The following MSH4 variants were observed in gnomAD, a reference collection of about 807,000 sequenced individuals.
MSH4 encodes mutS protein homolog 4.
In MSH4, 106 loss-of-function variants were observed where a neutral mutation model predicts 113.7. That is an observed-to-expected ratio of 0.93 (90% CI 0.80 to 1.10). The LOEUF (loss-of-function observed/expected upper bound fraction) is 1.10. Among genes scored for constraint, MSH4 ranks in the 50% least tolerant of loss-of-function variants. MSH4 has a pLI of 0.00. For synonymous variants in MSH4, 368 were observed against 380.2 expected, an observed-to-expected ratio of 0.97 and a Z score of 0.37; for missense variants, 1,061 against 1,093.7, an observed-to-expected ratio of 0.97 and a Z score of 0.42.
At position 75,823,487 on chromosome 1, in the gene MSH4, T is replaced by C. The variant is rs144086747; in HGVS notation, c.1162+906T>C. Among the ~76,000 whole-genome samples, 161 of 152,272 alleles carry C rather than the reference T, an allele frequency of 1.1e-3. 1 individual carries two copies. The highest frequency in any genetic ancestry group is 3.6e-3 in the African/African-American group (149 of 41,568). On this transcript the variant is annotated intron_variant, in intron 7 of 19. Coordinates refer to ENST00000263187, the MANE Select transcript of MSH4 (RefSeq NM_002440.4). ...TCTTTACTTTAAATTCTGGAATACA[T>C]GTGCTGAAATGTGCTGAACATGCAG...
At chr1:75,868,497 T>C (rs1557516250) in intron 9 of MSH4, among the ~76,000 whole-genome samples, 1 of 152,216 alleles carries the variant, frequency 6.6e-6, no homozygotes, top group East Asian at 1.9e-4. Context: ...ATTGAAGTGA[T>C]AAAGGGAACT....
At chr1:75,840,466 CAAT>C (rs936663024) in intron 7 of MSH4, among the ~76,000 whole-genome samples, 2 of 138,080 alleles carry the variant, frequency 1.4e-5, no homozygotes, top group African/African-American at 5.5e-5. Context: ...GGGAATTGAA[CAAT>C]GAGAACACAT....
chr1:75,883,672 T>G lies in MSH4; in HGVS notation c.1958T>G (p.Ile653Ser), dbSNP rs543432820. Reference protein sequence around the residue: ...TLAIKQGWHPILEKISAEKPI... With the variant: ...TLAIKQGWHPSLEKISAEKPI... ...GCAATCAAACAGGGATGGCATCCTA[T>G]TCTTGAAAAAATATCTGCGGAAAAA... The change falls in exon 15 of 20, where the codon ATT (isoleucine) becomes AGT (serine). Residue 653 changes from isoleucine to serine, a missense_variant. Coordinates refer to ENST00000263187, the MANE Select transcript of MSH4 (RefSeq NM_002440.4). 4 of 1,613,268 alleles carry G rather than the reference T, an allele frequency of 2.5e-6. No individual in the cohort carries two copies. The East Asian group carries it at 8.9e-5, about 36-fold the overall frequency.
intron 7 of MSH4, among the ~76,000 whole-genome samples, chr1:75,843,052 A>G (rs1475201281): frequency 1.3e-5 from 2 of 152,210 alleles, no homozygotes; most frequent in African/African-American, 4.8e-5. Flanking sequence ...ATATGCAGAA[A>G]TAATGGCATA....
Position 75,890,815 on chromosome 1 carries a change from G to A in MSH4, c.2346G>A (p.Leu782=), listed in dbSNP as rs768702827. Residue 782 remains leucine (L), a synonymous_variant, in exon 17 of 20, where the codon CTG becomes CTA. Transcript: ENST00000263187. ...GTTATGCTGTTTGTGAATATCTACT[G>A]AGCTTAAAGGTATTCTTTTATTTTA... The part of the protein sequence containing the change: ...GICYAVCEYL[L]SLKAFTLFAT... 9 of 1,561,990 alleles carry A rather than the reference G, an allele frequency of 5.8e-6. No individual in the cohort carries two copies. Among genetic ancestry groups the A allele is most frequent in the Non-Finnish European group, 7.9e-6 (9 of 1,139,464 alleles).
chr1:75,801,568 CAA>C (rs35300428), intron 1 of MSH4, among the ~76,000 whole-genome samples: 37 of 112,726 alleles, frequency 3.3e-4, no homozygotes, highest in African/African-American at 5.7e-4. Context: ...AACTCCATCT[CAA>C]AAAAAAAAAA....
At chr1:75,805,130 C>T (rs2100503956) in intron 2 of MSH4, among the ~76,000 whole-genome samples, 1 of 152,066 alleles carries the variant, frequency 6.6e-6, no homozygotes, top group South Asian at 2.1e-4. Flanking sequence ...CAGCCCTGAC[C>T]TGTTTATTTT....
At chr1:75,820,837 T>G (rs1332344107) in intron 6 of MSH4, among the ~76,000 whole-genome samples, 2 of 151,908 alleles carry the variant, frequency 1.3e-5, no homozygotes, top group Non-Finnish European at 2.9e-5. Flanking sequence ...AAGGGATCAA[T>G]TCAACAAGAA....
intron 1 of MSH4, among the ~76,000 whole-genome samples, chr1:75,799,199 A>G (rs1649882268): frequency 6.6e-6 from 1 of 152,160 alleles, no homozygotes; most frequent in Non-Finnish European, 1.5e-5. Context: ...ACATTCACTA[A>G]TTTATATGCA....
chr1:75,819,241 C>T (rs1001605059), intron 6 of MSH4, among the ~76,000 whole-genome samples: 18 of 152,148 alleles, frequency 1.2e-4, no homozygotes, highest in African/African-American at 4.1e-4. Flanking sequence ...CCTGTAATCC[C>T]AGCACCCTGG....
rs1456602402 is a variant in MSH4 at position 75,886,698 on chromosome 1, T to G, written c.2108-2553T>G. ...ATTATATACATTATAATGTATAATA[T>G]ATAAATATATTATATATAAATGTAT... is the stretch of plus-strand genomic sequence containing the variant. On this transcript the variant is annotated intron_variant, in intron 15 of 19. Coordinates refer to ENST00000263187, the MANE Select transcript of MSH4 (RefSeq NM_002440.4). Among the ~76,000 whole-genome samples, 40 of 133,854 alleles carry G rather than the reference T, an allele frequency of 3.0e-4. 1 individual carries two copies. The highest frequency in any genetic ancestry group is 8.2e-5 in the Admixed American group (1 of 12,234). 87.8% of individuals were successfully genotyped at this position (133,854 alleles called of 152,430 possible).
intron 3 of MSH4, among the ~76,000 whole-genome samples, chr1:75,810,390 A>G (rs181887740): frequency 0.013 from 1,806 of 143,166 alleles, 19 homozygotes; most frequent in Non-Finnish European, 0.02. Context: ...GGCATGCACC[A>G]CCATGCTCGG....
chr1:75,813,235 C>G (rs1650225690), intron 4 of MSH4, among the ~76,000 whole-genome samples: 1 of 152,102 alleles, frequency 6.6e-6, no homozygotes, highest in South Asian at 2.1e-4. Flanking sequence ...ATCACTATTT[C>G]TGGGGGTAGA....
intron 8 of MSH4, 80 bp from the exon 9 acceptor site, chr1:75,867,434 T>C (rs1282270802): frequency 1.3e-6 from 1 of 779,206 alleles, no homozygotes; most frequent in African/African-American, 2.1e-5. Flanking sequence ...ATGGAAAGAG[T>C]AAGAATGTTC....
chr1:75,803,603 G>A (rs908394711), intron 1 of MSH4, 128 bp from the exon 2 acceptor site: 6 of 679,936 alleles, frequency 8.8e-6, no homozygotes, highest in Non-Finnish European at 1.3e-5. Context: ...GGCGACAAGA[G>A]CAAGACTCTG....
At chr1:75,834,058 A>G (rs1650771249) in intron 7 of MSH4, among the ~76,000 whole-genome samples, 1 of 152,246 alleles carries the variant, frequency 6.6e-6, no homozygotes, top group Admixed American at 6.5e-5. Context: ...AATATCCAGA[A>G]TCTACAAAGA....
chr1:75,881,211 A>AAG (rs1651924069), intron 13 of MSH4, 35 bp from the exon 14 acceptor site: 6 of 1,494,564 alleles, frequency 4.0e-6, no homozygotes, highest in Middle Eastern at 1.8e-4. Flanking sequence ...CTTTTGAAAA[A>AAG]ACATTATTAC....
intron 17 of MSH4, among the ~76,000 whole-genome samples, chr1:75,894,630 A>G (rs1427353981): frequency 6.6e-6 from 1 of 152,208 alleles, no homozygotes; most frequent in African/African-American, 2.4e-5. Context: ...CAAAACTAAC[A>G]TCCATGGACT....
intron 17 of MSH4, among the ~76,000 whole-genome samples, chr1:75,894,912 A>G (rs1318214672): frequency 2.6e-5 from 4 of 152,140 alleles, no homozygotes; most frequent in Non-Finnish European, 4.4e-5. Context: ...ATCAGCTTCC[A>G]ATATATGATG....
Sources: gnomAD v4.1 joint callset for allele counts (sites outside exome capture counted in the v4.1 genomes callset) on GRCh38, gnomAD v4.1.1 for gene constraint, MANE v1.5 for transcripts, NCBI Gene and HGNC (gene_info 2026-07-23, HGNC 2026-07-21) for gene names.